Variants in SUMF1 observed in about 807,000 individuals in gnomAD.
The protein encoded by SUMF1 is formylglycine-generating enzyme.
Under a neutral mutation model 47.6 loss-of-function variants are expected in SUMF1, and 48 were observed. That is an observed-to-expected ratio of 1.01 (90% CI 0.80 to 1.28). SUMF1 has a LOEUF of 1.28. Ranked by LOEUF, SUMF1 falls within the 50% of genes most tolerant of loss-of-function variation. The pLI is 0.00. For synonymous variants in SUMF1, 230 were observed against 192.1 expected (o/e 1.20, Z -1.63); for missense variants, 571 against 485.4 (o/e 1.18, Z -1.66).
chr3:4,211,103 C>CATATATATATATAT (rs3046240), intron 8 of SUMF1, among the ~76,000 whole-genome samples: 5,858 of 90,772 alleles, frequency 0.065, 354 homozygotes, highest in Non-Finnish European at 0.085. Flanking sequence ...AATAAACTCC[C>CATATATATATATAT]ATATATATAT....
At chr3:4,322,480 T>C (rs1356626039) in intron 8 of SUMF1, among the ~76,000 whole-genome samples, 1 of 151,872 alleles carries the variant, frequency 6.6e-6, no homozygotes, top group African/African-American at 2.4e-5. Flanking sequence ...TCCATGAAAG[T>C]CTACGGTAAA....
At chr3:4,065,019 C>G (rs1695345069) in intron 9 of SUMF1, among the ~76,000 whole-genome samples, 1 of 152,094 alleles carries the variant, frequency 6.6e-6, no homozygotes, top group South Asian at 2.1e-4. Flanking sequence ...AGGTTTGCAC[C>G]ATGGTGCAGT....
intron 9 of SUMF1, among the ~76,000 whole-genome samples, chr3:4,066,767 T>G (rs1695386315): frequency 6.6e-6 from 1 of 152,154 alleles, no homozygotes; most frequent in African/African-American, 2.4e-5. Flanking sequence ...CAAAACTCAT[T>G]GTTTCAGTGA....
intron 8 of SUMF1, among the ~76,000 whole-genome samples, chr3:4,314,962 T>C (rs537067679): frequency 1.3e-5 from 2 of 152,324 alleles, no homozygotes; most frequent in African/African-American, 4.8e-5. Context: ...TATAAGTACA[T>C]TGTACACTTT....
intron 8 of SUMF1, chr3:4,317,229 G>T (rs891212359): frequency 9.7e-6 from 15 of 1,541,324 alleles, no homozygotes; most frequent in Non-Finnish European, 1.3e-5. Context: ...TGATTGTAAT[G>T]GTTCCTATTT....
At chr3:4,096,848 T>G (rs1406408367) in intron 8 of SUMF1, among the ~76,000 whole-genome samples, 1 of 152,066 alleles carries the variant, frequency 6.6e-6, no homozygotes, top group Non-Finnish European at 1.5e-5. Context: ...ACTATTTAGT[T>G]CTAATTGAGT....
chr3:4,440,253 A>AAAAAAAAAAAAAAAAAC (rs1702539029), intron 3 of SUMF1, among the ~76,000 whole-genome samples: 1 of 140,452 alleles, frequency 7.1e-6, no homozygotes, highest in Admixed American at 7.6e-5. Context: ...CAAAAAAAAA[A>AAAAAAAAAAAAAAAAAC]AAAAAAAAAA....
At chr3:4,178,878 G>T (rs1695031199) in intron 8 of SUMF1, among the ~76,000 whole-genome samples, 1 of 152,222 alleles carries the variant, frequency 6.6e-6, no homozygotes, top group Admixed American at 6.5e-5. Flanking sequence ...AAAATCACAA[G>T]CATTCCAGTA....
chr3:4,236,598 TAAATAAATAAAC>T (rs1696415155), intron 8 of SUMF1, among the ~76,000 whole-genome samples: 2 of 151,876 alleles, frequency 1.3e-5, no homozygotes, highest in Non-Finnish European at 2.9e-5. Flanking sequence ...TCTAAATAAA[TAAATAAATAAAC>T]AAACTTTGTT....
chr3:4,058,213 T>C (rs1251758936), intron 9 of SUMF1, among the ~76,000 whole-genome samples: 1 of 152,052 alleles, frequency 6.6e-6, no homozygotes, highest in African/African-American at 2.4e-5. Flanking sequence ...ACAATCTGTA[T>C]TCACAATCAC....
chr3:4,415,901 A>G (rs1701696122), intron 6 of SUMF1, among the ~76,000 whole-genome samples: 1 of 152,208 alleles, frequency 6.6e-6, no homozygotes, highest in Non-Finnish European at 1.5e-5. Context: ...CCAGGGGAGG[A>G]CACAGCATTA....
At chr3:4,205,535 T>C (rs1031926154) in intron 8 of SUMF1, among the ~76,000 whole-genome samples, 1 of 152,198 alleles carries the variant, frequency 6.6e-6, no homozygotes, top group Non-Finnish European at 1.5e-5. Flanking sequence ...CTTCACACTC[T>C]GGGCTTGTTT....
chr3:4,176,668 G>C (rs1275032899), intron 8 of SUMF1, among the ~76,000 whole-genome samples: 1 of 152,140 alleles, frequency 6.6e-6, no homozygotes, highest in Non-Finnish European at 1.5e-5. Flanking sequence ...ATAATGAGAT[G>C]ATCAAATTCA....
chr3:4,349,945 G>A (rs949066727), intron 8 of SUMF1, among the ~76,000 whole-genome samples: 3 of 142,520 alleles, frequency 2.1e-5, no homozygotes, highest in South Asian at 2.2e-4. Context: ...ACATGCATCC[G>A]GTTTTTTTTT....
At chr3:4,187,163 A>C (rs190164363) in intron 8 of SUMF1, among the ~76,000 whole-genome samples, 9 of 152,246 alleles carry the variant, frequency 5.9e-5, no homozygotes, top group Admixed American at 5.2e-4. Context: ...TGAAGCCAGG[A>C]GTATGAGACC....
chr3:4,151,426 TAC>T lies in SUMF1; in HGVS notation c.1015-82683_1015-82682del, dbSNP rs1387069629. Among the ~76,000 whole-genome samples, 2 of 52,094 alleles carry T rather than the reference TAC, an allele frequency of 3.8e-5. 1 individual carries two copies. Among genetic ancestry groups the T allele is most frequent in the African/African-American group, 1.3e-4 (2 of 15,104 alleles). The allele number at this position is 52,094 out of a possible 152,430, so 34.2% of individuals were successfully genotyped here. A position where few individuals can be genotyped will look rare whatever the true frequency, so the allele number is the denominator to read the frequency against. Reference sequence around the variant, plus strand: ...ATATGTATATATGTATATATGTGTATACATGTGTATATATGTATATATGTATA... The same window carrying T: ...ATATGTATATATGTATATATGTGTATATGTGTATATATGTATATATGTATA... On this transcript the variant is annotated intron_variant and NMD_transcript_variant, in intron 8 of 12. Transcript: ENST00000448413.
At chr3:4,071,830 G>C (rs1248791824) in intron 8 of SUMF1, among the ~76,000 whole-genome samples, 1 of 152,190 alleles carries the variant, frequency 6.6e-6, no homozygotes, top group Non-Finnish European at 1.5e-5. Context: ...ATCTCCCTGG[G>C]ACAGAGCACC....
chr3:4,463,620 G>A (rs1363123434), intron 1 of SUMF1, among the ~76,000 whole-genome samples: 2 of 152,186 alleles, frequency 1.3e-5, no homozygotes, highest in Non-Finnish European at 2.9e-5. Flanking sequence ...TGTAGGAGGT[G>A]GAAAGGTTTC....
intron 3 of SUMF1, among the ~76,000 whole-genome samples, chr3:4,423,168 C>T (rs1441146684): frequency 1.3e-5 from 2 of 152,106 alleles, no homozygotes; most frequent in Non-Finnish European, 2.9e-5. Flanking sequence ...GAAGTCATTA[C>T]ATGAAAAAGA....
Sources: allele counts gnomAD v4.1 joint callset (sites outside exome capture counted in the v4.1 genomes callset), GRCh38; gene constraint gnomAD v4.1.1; transcripts MANE v1.5; gene names NCBI Gene and HGNC (gene_info 2026-07-23, HGNC 2026-07-21).